FBN1: variants seen among roughly 807,000 people sequenced by gnomAD.
FBN1 encodes fibrillin 1, also known as fibrillin-1.
Under a neutral mutation model 365.1 loss-of-function variants are expected in FBN1, and 29 were observed. The ratio of observed to expected loss-of-function variants is 0.08; its 90% CI spans 0.06 to 0.11. The LOEUF is 0.11. Among genes scored for constraint, FBN1 ranks in the 10% least tolerant of loss-of-function variants. The pLI, the probability that FBN1 is intolerant of heterozygous loss-of-function variation, is 1.00. For synonymous variants in FBN1, 1,210 were observed against 1,270.5 expected, an observed-to-expected ratio of 0.95 and a Z score of 1.01; for missense variants, 2,476 against 3,703.2, an observed-to-expected ratio of 0.67 and a Z score of 8.60.
chr15:48,610,464 G>A (rs1330144129), intron 4 of FBN1, among the ~76,000 whole-genome samples: 1 of 152,076 alleles, frequency 6.6e-6, no homozygotes, highest in Non-Finnish European at 1.5e-5. Flanking sequence ...AGATGAATAA[G>A]GCGATACCTA....
intron 3 of FBN1, among the ~76,000 whole-genome samples, chr15:48,612,416 G>T (rs907197290): frequency 2.6e-5 from 4 of 152,156 alleles, no homozygotes; most frequent in Non-Finnish European, 5.9e-5. Flanking sequence ...TTTGACTTTG[G>T]TGTCTCCATT....
At chr15:48,420,873 A>G (rs1338571707) in intron 62 of FBN1, 67 bp from the exon 63 acceptor site, 6 of 1,593,890 alleles carry the variant, frequency 3.8e-6, no homozygotes, top group South Asian at 2.2e-5. Context: ...ATGGATTCTA[A>G]TAAGAAATCT....
chr15:48,565,854 T>C (rs888727821), intron 6 of FBN1, among the ~76,000 whole-genome samples: 1 of 152,216 alleles, frequency 6.6e-6, no homozygotes, highest in Non-Finnish European at 1.5e-5. Context: ...GGCAAGAGTC[T>C]GTTCTTAAAT....
chr15:48,573,537 G>A (rs1193609821), intron 6 of FBN1, among the ~76,000 whole-genome samples: 1 of 152,168 alleles, frequency 6.6e-6, no homozygotes, highest in Non-Finnish European at 1.5e-5. Context: ...ACAAGGCTAA[G>A]TGAATGGAGA....
chr15:48,500,137 G>A (rs2043642214), intron 17 of FBN1, among the ~76,000 whole-genome samples: 1 of 152,228 alleles, frequency 6.6e-6, no homozygotes, highest in Non-Finnish European at 1.5e-5. Context: ...GTGTTTGAAA[G>A]CCAGGTGTGG....
intron 2 of FBN1, among the ~76,000 whole-genome samples, chr15:48,626,281 A>G (rs962981160): frequency 1.3e-5 from 2 of 152,006 alleles, no homozygotes; most frequent in African/African-American, 4.8e-5. Context: ...AATGAAAAGT[A>G]TAATTACTAG....
intron 31 of FBN1, among the ~76,000 whole-genome samples, chr15:48,482,214 C>T (rs1157404635): frequency 6.6e-6 from 1 of 152,074 alleles, no homozygotes; most frequent in Non-Finnish European, 1.5e-5. Flanking sequence ...ACTTCTTTTC[C>T]AAATTAAAAA....
intron 13 of FBN1, among the ~76,000 whole-genome samples, chr15:48,512,511 T>C (rs117693176): frequency 0.012 from 1,766 of 152,286 alleles, 8 homozygotes; most frequent in Non-Finnish European, 0.018. Flanking sequence ...CCGGTGTGTG[T>C]TGGTCCCTTC....
chr15:48,531,344 C>CAA (rs1396499066), intron 8 of FBN1, among the ~76,000 whole-genome samples: 1 of 152,022 alleles, frequency 6.6e-6, no homozygotes, highest in African/African-American at 2.4e-5. Context: ...TCATGGAAAG[C>CAA]AACTCGAATA....
chr15:48,488,328 G>T, intron 26 of FBN1, 40 bp downstream of exon 26: 1 of 1,614,178 alleles, frequency 6.2e-7, no homozygotes, highest in South Asian at 1.1e-5. Flanking sequence ...GAGTTTTAAA[G>T]GACGTCCCCT....
At chr15:48,467,624 G>A (rs1221502371) in intron 38 of FBN1, among the ~76,000 whole-genome samples, 3 of 152,208 alleles carry the variant, frequency 2.0e-5, no homozygotes, top group Non-Finnish European at 4.4e-5. Context: ...TAGATGAGAA[G>A]AGGAGAGATA....
chr15:48,437,100 G>A (rs766305202), intron 52 of FBN1, 23 bp from the exon 53 acceptor site: 2 of 1,482,496 alleles, frequency 1.3e-6, no homozygotes, highest in East Asian at 4.5e-5. Context: ...AAAAAAAATA[G>A]TGAATAACAA....
At position 48,409,876 on chromosome 15, in the gene FBN1, C is replaced by T. The variant is rs914908419; in HGVS notation, c.*1114G>A. 2.0e-5 allele frequency: 3 copies of T among 152,212 alleles called. No individual in the cohort carries two copies. The highest frequency in any genetic ancestry group is 4.4e-5 in the Non-Finnish European group (3 of 68,030). 9.4% of individuals were successfully genotyped at this position (152,212 alleles called of 1,614,324 possible). On this transcript the variant is annotated 3_prime_UTR_variant, in exon 66 of 66. Transcript: ENST00000316623. ...TCTCACAAGCAAGTCAGGTTAATGA[C>T]ACCAGACTCTGCTACTTTCAATGGA... is the stretch of plus-strand genomic sequence containing the variant.
At chr15:48,490,478 T>C (rs1287661353) in intron 24 of FBN1, among the ~76,000 whole-genome samples, 1 of 152,236 alleles carries the variant, frequency 6.6e-6, no homozygotes, top group Non-Finnish European at 1.5e-5. Context: ...TCTTTATTGT[T>C]GGAGCGTGTC....
intron 42 of FBN1, among the ~76,000 whole-genome samples, chr15:48,461,343 A>G (rs576029340): frequency 3.9e-5 from 6 of 152,334 alleles, no homozygotes; most frequent in African/African-American, 1.4e-4. Context: ...TCATTTCTAA[A>G]AGTAAATGTT....
intron 63 of FBN1, among the ~76,000 whole-genome samples, chr15:48,417,466 T>TCCTTCCTTC (rs2042911668): frequency 8.7e-6 from 1 of 114,758 alleles, no homozygotes; most frequent in Non-Finnish European, 1.8e-5. Context: ...CTTCCTTCCT[T>TCCTTCCTTC]CCTTTCCTTC....
Position 48,468,507 on chromosome 15 carries a change from G to A in FBN1, c.4487C>T (p.Thr1496Met), listed in dbSNP as rs776199613. ...GTTGACACAGTTCCCACTGATGCACGTGGTTGGATCCAGGCATTCATTCAC... is the reference window on the plus strand; with the variant it reads ...GTTGACACAGTTCCCACTGATGCACATGGTTGGATCCAGGCATTCATTCAC... The part of the protein sequence containing the change: ...TDVNECLDPT[T>M]CISGNCVNTP... Residue 1496 changes from threonine (T) to methionine (M), a missense_variant, in exon 37 of 66, where the codon ACG becomes ATG. By Grantham distance (81) the Thr-to-Met change is moderately conservative. Transcript: ENST00000316623. 1.9e-6 allele frequency: 3 copies of A among 1,614,068 alleles called. No homozygotes were observed. The highest frequency in any genetic ancestry group is 1.7e-5 in the Admixed American group (1 of 60,024).
chr15:48,560,979 G>GT (rs1355629320), intron 6 of FBN1, among the ~76,000 whole-genome samples: 1 of 152,160 alleles, frequency 6.6e-6, no homozygotes, highest in Non-Finnish European at 1.5e-5. Context: ...TGAAAACTAA[G>GT]TAATGTATTC....
chr15:48,423,859 T>A (rs367627636), intron 60 of FBN1, among the ~76,000 whole-genome samples: 1 of 152,178 alleles, frequency 6.6e-6, no homozygotes, highest in Admixed American at 6.5e-5. Context: ...AAGTTGTGAG[T>A]GGACATGTAA....
Sources: gnomAD v4.1 joint callset for allele counts (sites outside exome capture counted in the v4.1 genomes callset) on GRCh38, gnomAD v4.1.1 for gene constraint, MANE v1.5 for transcripts, NCBI Gene and HGNC (gene_info 2026-07-23, HGNC 2026-07-21) for gene names.